Variants in TRABD2B observed in about 807,000 individuals in gnomAD.
TRABD2B encodes TraB domain containing 2B.
TRABD2B carries 14 observed loss-of-function variants against 40.1 expected under a neutral mutation model. The ratio of observed to expected loss-of-function variants is 0.35; its 90% CI spans 0.23 to 0.55. TRABD2B has a LOEUF of 0.55. Ranked by LOEUF, TRABD2B falls within the 20% of genes least tolerant of loss-of-function variation. The pLI, the probability that TRABD2B is intolerant of heterozygous loss-of-function variation, is 0.90. For missense variants in TRABD2B, 541 were observed against 648.6 expected (o/e 0.83, Z 1.80); for synonymous variants, 263 against 277.0 (o/e 0.95, Z 0.50).
chr1:47,955,417 T>C (rs187565541), intron 2 of TRABD2B, among the ~76,000 whole-genome samples: 118 of 152,238 alleles, frequency 7.8e-4, no homozygotes, highest in African/African-American at 2.4e-3. Context: ...AATACTCAAC[T>C]CTGACTATAA....
intron 2 of TRABD2B, among the ~76,000 whole-genome samples, chr1:47,951,650 A>T (rs1408167205): frequency 1.3e-5 from 2 of 152,100 alleles, no homozygotes; most frequent in Non-Finnish European, 2.9e-5. Context: ...AGGGTGGGGC[A>T]GCAGAGGAAA....
At chr1:47,953,599 C>A (rs1054834884) in intron 2 of TRABD2B, among the ~76,000 whole-genome samples, 1 of 152,182 alleles carries the variant, frequency 6.6e-6, no homozygotes, top group East Asian at 1.9e-4. Flanking sequence ...CTGTAACTTA[C>A]CAGCTCTGAG....
In TRABD2B at chr1:47,822,160, A is replaced by G. The variant is rs1469279871; in HGVS notation, c.667-20541T>C. 4.0e-5 allele frequency among the ~76,000 whole-genome samples: 6 copies of G among 151,348 alleles called. No individual in the cohort carries two copies. In the East Asian group the frequency reaches 1.2e-3, roughly 30 times the overall value. ...CATGTGTGTACACGTACACACACAC[A>G]CACACACAAACACACATACACTCCT... On this transcript the variant is annotated intron_variant, in intron 2 of 6. Coordinates refer to ENST00000606738, the MANE Select transcript of TRABD2B (RefSeq NM_001194986.2).
chr1:47,770,023 G>T (rs1644358217), intron 6 of TRABD2B, among the ~76,000 whole-genome samples: 1 of 152,144 alleles, frequency 6.6e-6, no homozygotes, highest in African/African-American at 2.4e-5. Flanking sequence ...CCTCCAAGGG[G>T]CTCCCTGGAG....
intron 2 of TRABD2B, among the ~76,000 whole-genome samples, chr1:47,984,199 C>T (rs970850504): frequency 6.6e-6 from 1 of 152,236 alleles, no homozygotes; most frequent in South Asian, 2.1e-4. Flanking sequence ...ATCTTTGCAC[C>T]GTGGCTGCCC....
chr1:47,868,750 G>A (rs1022339574), intron 2 of TRABD2B, among the ~76,000 whole-genome samples: 1 of 152,082 alleles, frequency 6.6e-6, no homozygotes, highest in Non-Finnish European at 1.5e-5. Flanking sequence ...AAAAGGTTGG[G>A]AACCACTGCT....
intron 2 of TRABD2B, among the ~76,000 whole-genome samples, chr1:47,925,370 G>T (rs1644956138): frequency 6.6e-6 from 1 of 152,108 alleles, no homozygotes. Flanking sequence ...TATGAAAGAA[G>T]ATTTTTTTTA....
intron 2 of TRABD2B, among the ~76,000 whole-genome samples, chr1:47,887,593 G>T (rs1644387694): frequency 6.6e-6 from 1 of 151,966 alleles, no homozygotes; most frequent in South Asian, 2.1e-4. Flanking sequence ...GCGGGGGGTG[G>T]GTGATTACAT....
At chr1:47,810,778 G>C (rs982844535) in intron 2 of TRABD2B, among the ~76,000 whole-genome samples, 1 of 152,262 alleles carries the variant, frequency 6.6e-6, no homozygotes, top group Non-Finnish European at 1.5e-5. Flanking sequence ...AAGAGAGGGA[G>C]CAGGGATCTG....
At chr1:47,772,749 G>A (rs1200616720) in intron 6 of TRABD2B, among the ~76,000 whole-genome samples, 2 of 152,140 alleles carry the variant, frequency 1.3e-5, no homozygotes, top group African/African-American at 2.4e-5. Context: ...AGGAGGGTGG[G>A]ATGAGTCCCC....
intron 2 of TRABD2B, among the ~76,000 whole-genome samples, chr1:47,810,268 G>C (rs1016982338): frequency 2.0e-5 from 3 of 151,948 alleles, no homozygotes; most frequent in African/African-American, 7.3e-5. Flanking sequence ...GCAGTGGTGC[G>C]ATCTCTGCTT....
At chr1:47,993,987 C>T (rs1241704463) in intron 2 of TRABD2B, 47 bp downstream of exon 2, 1 of 1,487,798 alleles carries the variant, frequency 6.7e-7, no homozygotes, top group South Asian at 1.3e-5. Flanking sequence ...GAAGAGGACC[C>T]AGGTACCCAG....
chr1:47,921,808 A>G (rs77307788), intron 2 of TRABD2B, among the ~76,000 whole-genome samples: 1 of 152,154 alleles, frequency 6.6e-6, no homozygotes, highest in Non-Finnish European at 1.5e-5. Flanking sequence ...CTAATAAAGG[A>G]CCCTGAATCC....
intron 2 of TRABD2B, among the ~76,000 whole-genome samples, chr1:47,986,667 A>G (rs975999393): frequency 4.6e-5 from 7 of 152,184 alleles, no homozygotes; most frequent in Admixed American, 2.6e-4. Context: ...GTACAGCTTT[A>G]AGCTGAGCCT....
At chr1:47,871,204 G>A (rs1379280847) in intron 2 of TRABD2B, among the ~76,000 whole-genome samples, 1 of 152,092 alleles carries the variant, frequency 6.6e-6, no homozygotes, top group Non-Finnish European at 1.5e-5. Context: ...TGAGAGTTAT[G>A]AGAGTTACAG....
chr1:47,888,628 C>T (rs1468780904), intron 2 of TRABD2B, among the ~76,000 whole-genome samples: 1 of 152,184 alleles, frequency 6.6e-6, no homozygotes, highest in African/African-American at 2.4e-5. Context: ...CTGCTTACCA[C>T]ACCCATATCC....
At chr1:47,803,189 G>T (rs1557579754) in intron 2 of TRABD2B, among the ~76,000 whole-genome samples, 1 of 152,198 alleles carries the variant, frequency 6.6e-6, no homozygotes, top group Admixed American at 6.5e-5. Context: ...CTCACTGGGG[G>T]TCCCACAGCC....
chr1:47,791,713 G>C (rs568955834), intron 4 of TRABD2B, among the ~76,000 whole-genome samples: 1 of 152,328 alleles, frequency 6.6e-6, no homozygotes, highest in South Asian at 2.1e-4. Flanking sequence ...CCTGTCACCA[G>C]ATGTGGGACT....
At chr1:47,952,320 T>C (rs1645357104) in intron 2 of TRABD2B, among the ~76,000 whole-genome samples, 1 of 152,146 alleles carries the variant, frequency 6.6e-6, no homozygotes, top group Non-Finnish European at 1.5e-5. Flanking sequence ...CCTCCCTTGC[T>C]CCCTCCTGCC....
Sources: gnomAD v4.1 joint callset for allele counts (sites outside exome capture counted in the v4.1 genomes callset) on GRCh38, gnomAD v4.1.1 for gene constraint, MANE v1.5 for transcripts, NCBI Gene and HGNC (gene_info 2026-07-23, HGNC 2026-07-21) for gene names.